Variants in RANBP2 observed in about 807,000 individuals in gnomAD.
RANBP2 encodes the protein E3 SUMO-protein ligase RanBP2.
Under a neutral mutation model 303.6 loss-of-function variants are expected in RANBP2, and 57 were observed. The ratio of observed to expected loss-of-function variants is 0.19; its 90% confidence interval spans 0.15 to 0.23. RANBP2 has a LOEUF of 0.23. RANBP2 is among the 10% of genes least tolerant of loss of function. The pLI, the probability that RANBP2 is intolerant of heterozygous loss-of-function variation, is 1.00. For missense variants in RANBP2, 3,138 were observed against 3,780.8 expected (o/e 0.83, Z 4.46); for synonymous variants, 1,167 against 1,301.5 (o/e 0.90, Z 2.23).
chr2:108,829,714 A>G, the RANBP2 span, among the ~76,000 whole-genome samples: 3 of 152,196 alleles, frequency 2.0e-5, no homozygotes, highest in African/African-American at 4.8e-5. Flanking sequence ...CCACCACACT[A>G]CAGCCTGGGA....
chr2:109,010,814 GA>G, the RANBP2 span, among the ~76,000 whole-genome samples: 1 of 152,308 alleles, frequency 6.6e-6, no homozygotes, highest in African/African-American at 2.4e-5. Context: ...TGTTTCCATA[GA>G]GTTAAAAATT....
chr2:108,867,364 A>G, the RANBP2 span, among the ~76,000 whole-genome samples: 1 of 152,222 alleles, frequency 6.6e-6, no homozygotes, highest in Non-Finnish European at 1.5e-5. Context: ...GCAAGCTAGA[A>G]GGAAAAAAAT....
the RANBP2 span, among the ~76,000 whole-genome samples, chr2:109,202,173 AG>A: frequency 6.6e-6 from 1 of 152,182 alleles, no homozygotes. Flanking sequence ...AACACGGGGA[AG>A]AAAACAACCC....
chr2:109,153,574 G>A, the RANBP2 span, among the ~76,000 whole-genome samples: 1 of 152,346 alleles, frequency 6.6e-6, no homozygotes, highest in Non-Finnish European at 1.5e-5. Context: ...TGCCCCAGGA[G>A]GTGGGCCCGA....
chr2:109,677,935 G>T, the RANBP2 span, among the ~76,000 whole-genome samples: 5 of 152,182 alleles, frequency 3.3e-5, no homozygotes, highest in African/African-American at 1.2e-4. Context: ...ATTTGTAGGC[G>T]CTCAAGAAGT....
At chr2:109,105,124 A>C in the RANBP2 span, among the ~76,000 whole-genome samples, 4 of 152,234 alleles carry the variant, frequency 2.6e-5, no homozygotes, top group African/African-American at 4.8e-5. Flanking sequence ...CACCAGGGAA[A>C]GGCACTCTCC....
chr2:109,225,544 A>C, the RANBP2 span, among the ~76,000 whole-genome samples: 1 of 152,184 alleles, frequency 6.6e-6, no homozygotes, highest in African/African-American at 2.4e-5. Context: ...TTCTCCTGAG[A>C]GTTAGGCCAG....
chr2:109,704,076 T>C, the RANBP2 span, among the ~76,000 whole-genome samples: 1 of 152,178 alleles, frequency 6.6e-6, no homozygotes, highest in Admixed American at 6.6e-5. Flanking sequence ...CAGAGTTTTA[T>C]TGGCCCTGGG....
chr2:108,773,636 C>G (rs997053375), intron 23 of RANBP2, among the ~76,000 whole-genome samples: 2 of 149,606 alleles, frequency 1.3e-5, no homozygotes, highest in Middle Eastern at 3.2e-3. Flanking sequence ...CAGTCAAAAC[C>G]CCTCCAGGAA....
At chr2:109,635,483 A>G in the RANBP2 span, among the ~76,000 whole-genome samples, 3 of 152,132 alleles carry the variant, frequency 2.0e-5, no homozygotes, top group Non-Finnish European at 4.4e-5. Flanking sequence ...GCGCCCAGCT[A>G]GCATATTGTA....
chr2:109,366,527 A>C, the RANBP2 span, among the ~76,000 whole-genome samples: 2 of 152,236 alleles, frequency 1.3e-5, no homozygotes, highest in African/African-American at 2.4e-5. Flanking sequence ...CTTGAGGAGA[A>C]TATCTCTGTA....
chr2:108,767,608 A>G lies in RANBP2; in HGVS notation c.7069A>G (p.Ile2357Val), dbSNP rs1459606445. 1.2e-6 allele frequency: 2 copies of G among 1,612,018 alleles called. No individual in the cohort carries two copies. Among genetic ancestry groups the G allele is most frequent in the Non-Finnish European group, 1.7e-6 (2 of 1,179,856 alleles). Residue 2357 changes from isoleucine to valine, a missense_variant, in exon 20 of 29, where the codon ATA (isoleucine) becomes GTA (valine). Ile to Val is a conservative substitution (Grantham distance 29). This residue lies in a region of RANBP2 where 92 missense variants were observed against 211.0 expected (regional missense o/e 0.44). Coordinates refer to ENST00000283195, the MANE Select transcript of RANBP2 (RefSeq NM_006267.5). ...GQWKERGIGD[I>V]KILQNYDNKQ... ...ATGGAAAGAAAGGGGCATTGGTGAT[A>G]TAAAGATTTTACAGAATTATGATAA...
the RANBP2 span, among the ~76,000 whole-genome samples, chr2:109,231,147 C>T: frequency 1.3e-5 from 2 of 152,252 alleles, no homozygotes; most frequent in Non-Finnish European, 2.9e-5. Flanking sequence ...GACCCCATCT[C>T]CTCTCCTCCC....
At chr2:108,906,435 CATGTCAGCAGGGGCAGG>C in the RANBP2 span, 1 of 1,563,904 alleles carries the variant, frequency 6.4e-7, no homozygotes, top group Admixed American at 1.7e-5. Flanking sequence ...GCAAATCCTC[CATGTCAGCAGGGGCAGG>C]CAGCAGCTAC....
the RANBP2 span, among the ~76,000 whole-genome samples, chr2:109,176,347 C>T: frequency 6.6e-6 from 1 of 152,170 alleles, no homozygotes; most frequent in Non-Finnish European, 1.5e-5. Flanking sequence ...GAGAAGACAG[C>T]TGAGCAGCAG....
At chr2:109,072,565 A>T in the RANBP2 span, among the ~76,000 whole-genome samples, 4 of 152,278 alleles carry the variant, frequency 2.6e-5, no homozygotes, top group South Asian at 8.3e-4. Flanking sequence ...CCTCTAAACC[A>T]TCTGTGTCAA....
At chr2:109,342,713 A>G in the RANBP2 span, among the ~76,000 whole-genome samples, 2 of 152,198 alleles carry the variant, frequency 1.3e-5, no homozygotes, top group African/African-American at 2.4e-5. Flanking sequence ...CACATTCATT[A>G]GAGCCTGCTG....
At chr2:109,504,761 C>G in the RANBP2 span, 1 of 152,342 alleles carries the variant, frequency 6.6e-6, no homozygotes, top group Non-Finnish European at 1.5e-5. Flanking sequence ...GCACCTGCCT[C>G]TCAGTGCTCT....
chr2:109,548,203 A>G, the RANBP2 span, among the ~76,000 whole-genome samples: 1 of 151,854 alleles, frequency 6.6e-6, no homozygotes, highest in Non-Finnish European at 1.5e-5. Context: ...TAGGGTCTTA[A>G]GCCAGCTCCA....
Sources: allele counts gnomAD v4.1 joint callset (sites outside exome capture counted in the v4.1 genomes callset), GRCh38; gene constraint gnomAD v4.1.1; regional missense constraint gnomAD v4.1.1; transcripts MANE v1.5; gene names NCBI Gene and HGNC (gene_info 2026-07-23, HGNC 2026-07-21).